Variants in GCNT2 observed in about 807,000 individuals in gnomAD.
The protein encoded by GCNT2 is glucosaminyl (N-acetyl) transferase 2 (I blood group).
Under a neutral mutation model 34.2 loss-of-function variants are expected in GCNT2, and 34 were observed. The ratio of observed to expected loss-of-function variants is 1.00; its 90% CI spans 0.76 to 1.32. The LOEUF (loss-of-function observed/expected upper bound fraction) is 1.32. Ranked by LOEUF, GCNT2 falls within the 40% of genes most tolerant of loss-of-function variation. GCNT2 has a pLI of 0.00. For missense variants in GCNT2, 584 were observed against 489.4 expected, an observed-to-expected ratio of 1.19 and a Z score of -1.82; for synonymous variants, 212 against 188.0, an observed-to-expected ratio of 1.13 and a Z score of -1.04.
At chr6:10,551,860 C>T (rs537401879) in intron 3 of GCNT2, among the ~76,000 whole-genome samples, 90 of 152,118 alleles carry the variant, frequency 5.9e-4, no homozygotes, top group African/African-American at 1.6e-3. Flanking sequence ...CAGGTTCAAG[C>T]GATTCTCCTG....
intron 3 of GCNT2, among the ~76,000 whole-genome samples, chr6:10,554,626 G>C (rs1474497020): frequency 6.6e-6 from 1 of 152,150 alleles, no homozygotes; most frequent in Non-Finnish European, 1.5e-5. Context: ...TTTTGTTTAG[G>C]AGTAGAATAC....
At chr6:10,624,202 C>T (rs559026245) in intron 4 of GCNT2, among the ~76,000 whole-genome samples, 1 of 152,264 alleles carries the variant, frequency 6.6e-6, no homozygotes, top group African/African-American at 2.4e-5. Flanking sequence ...CCTTTAAGCT[C>T]CCAAGGTGTA....
At chr6:10,553,899 A>G (rs1051307137) in intron 3 of GCNT2, among the ~76,000 whole-genome samples, 8 of 152,206 alleles carry the variant, frequency 5.3e-5, no homozygotes, top group African/African-American at 1.9e-4. Flanking sequence ...GCCTCAAAGG[A>G]AAAAAACCAA....
rs1449493917 is a variant in GCNT2, at chr6:10,529,519, T to C, written c.608T>C (p.Ile203Thr). Residue 203 changes from isoleucine to threonine, a missense_variant, in exon 3 of 5, where the codon ATA becomes ACA. Physicochemically the swap from Ile to Thr is moderately conservative, Grantham distance 89. Coordinates refer to ENST00000495262, the MANE Select transcript of GCNT2 (RefSeq NM_145649.5). ...TTTCCCCTGAAAACCAACAGGGAAA[T>C]AGTTCAGTATCTGAAGGGATTTAAA... ...QDFPLKTNRE[I>T]VQYLKGFKGK... The C allele has an allele frequency of 3.1e-6, 5 of 1,613,964 alleles. No individual in the cohort carries two copies. Among genetic ancestry groups the C allele is most frequent in the South Asian group, 1.1e-5 (1 of 91,072 alleles).
At chr6:10,586,171 G>C in intron 3 of GCNT2, 1 of 1,614,110 alleles carries the variant, frequency 6.2e-7, no homozygotes, top group Non-Finnish European at 8.5e-7. Flanking sequence ...GTCTTTTTGT[G>C]GGAAAATATA....
At chr6:10,608,822 C>G (rs1276344360) in intron 3 of GCNT2, among the ~76,000 whole-genome samples, 1 of 152,170 alleles carries the variant, frequency 6.6e-6, no homozygotes, top group Non-Finnish European at 1.5e-5. Context: ...CAGGAATTCC[C>G]AGATGTGTGG....
intron 3 of GCNT2, chr6:10,575,141 C>T (rs1337365154): frequency 1.2e-5 from 5 of 424,564 alleles, no homozygotes; most frequent in South Asian, 2.5e-5. Context: ...TTCACATATA[C>T]GTGGCCAAAG....
chr6:10,558,164 T>A (rs1465253434), intron 3 of GCNT2, among the ~76,000 whole-genome samples: 1 of 152,224 alleles, frequency 6.6e-6, no homozygotes, highest in Admixed American at 6.5e-5. Context: ...CCTATTTGCA[T>A]GGGTTTGTTC....
At chr6:10,605,542 G>A (rs1482429097) in intron 3 of GCNT2, among the ~76,000 whole-genome samples, 1 of 151,918 alleles carries the variant, frequency 6.6e-6, no homozygotes, top group East Asian at 1.9e-4. Context: ...ACCAATGTCT[G>A]GGCCCCACCT....
At chr6:10,576,601 C>T (rs1763824678) in intron 3 of GCNT2, among the ~76,000 whole-genome samples, 1 of 151,930 alleles carries the variant, frequency 6.6e-6, no homozygotes, top group Non-Finnish European at 1.5e-5. Flanking sequence ...AATGGAAAGA[C>T]TTAGGGGGAG....
intron 3 of GCNT2, among the ~76,000 whole-genome samples, chr6:10,606,675 T>C (rs1765330582): frequency 6.7e-6 from 1 of 149,492 alleles, no homozygotes; most frequent in Non-Finnish European, 1.5e-5. Flanking sequence ...AGAAATTTAA[T>C]AGTGGTTGAG....
intron 3 of GCNT2, among the ~76,000 whole-genome samples, chr6:10,589,367 GTGTTTGTAGTGTGGTGTGTGTT>G (rs1561822469): frequency 7.6e-6 from 1 of 131,410 alleles, no homozygotes; most frequent in Non-Finnish European, 1.8e-5. Flanking sequence ...TTTCTAGTGT[GTGTTTGTAGTGTGGTGTGTGTT>G]TGTAGTGTGT....
intron 3 of GCNT2, among the ~76,000 whole-genome samples, chr6:10,606,633 C>CATTAAAGAAATTTAATGGAAATTTCT (rs1765324667): frequency 7.9e-6 from 1 of 127,300 alleles, no homozygotes; most frequent in Non-Finnish European, 1.8e-5. Flanking sequence ...TGGAAATTTC[C>CATTAAAGAAATTTAATGGAAATTTCT]ATTAAAGAAA....
chr6:10,565,817 A>G (rs113261843), intron 3 of GCNT2, among the ~76,000 whole-genome samples: 18 of 151,606 alleles, frequency 1.2e-4, no homozygotes, highest in African/African-American at 4.4e-4. Context: ...TTAAAGTTGT[A>G]TAATTTCTTC....
rs1017112447 is a variant in GCNT2 at position 10,626,545 on chromosome 6, A to T, written c.1147A>T (p.Arg383Trp). The T allele has an allele frequency of 6.2e-7, 1 of 1,613,980 alleles. No individual in the cohort carries two copies. Among genetic ancestry groups the T allele is most frequent in the Non-Finnish European group, 8.5e-7 (1 of 1,179,826 alleles). Reference sequence around the variant, plus strand: ...CCTTACTGTGGAATGCCTAGAACTGAGGCATCGCGAAAGAACCCTCAATCA... The same window carrying T: ...CCTTACTGTGGAATGCCTAGAACTGTGGCATCGCGAAAGAACCCTCAATCA... ...YPLTVECLEL[R>W]HRERTLNQSE... Residue 383 changes from arginine (R) to tryptophan (W), a missense_variant, in exon 5 of 5, where the codon AGG becomes TGG. Coordinates refer to ENST00000495262, the MANE Select transcript of GCNT2 (RefSeq NM_145649.5).
At chr6:10,601,492 A>T (rs1018012151) in intron 3 of GCNT2, among the ~76,000 whole-genome samples, 2 of 152,190 alleles carry the variant, frequency 1.3e-5, no homozygotes, top group African/African-American at 4.8e-5. Context: ...ACAACGCCCC[A>T]GTATGGTTTC....
intron 3 of GCNT2, among the ~76,000 whole-genome samples, chr6:10,541,321 T>C (rs80265902): frequency 6.6e-6 from 1 of 152,216 alleles, no homozygotes; most frequent in Non-Finnish European, 1.5e-5. Context: ...ACTCTATCCA[T>C]GTCCCTGCAA....
At position 10,623,201 on chromosome 6, in the gene GCNT2, T is replaced by C. The variant is rs1234317647; in HGVS notation, c.1018+1758T>C. On this transcript the variant is annotated intron_variant, in intron 4 of 4. Transcript: ENST00000495262. Reference sequence around the variant, plus strand: ...GGACAGCAATGTTTTCATGCAACTGTAAAGAAATTTTGGTCCATTCTGAAG... The same window carrying C: ...GGACAGCAATGTTTTCATGCAACTGCAAAGAAATTTTGGTCCATTCTGAAG... 4.0e-5 allele frequency among the ~76,000 whole-genome samples: 6 copies of C among 151,028 alleles called. No individual in the cohort carries two copies. The Admixed American group carries it at 4.0e-4, about 10-fold the overall frequency.
At chr6:10,572,152 C>T (rs979864291) in intron 3 of GCNT2, among the ~76,000 whole-genome samples, 2 of 152,152 alleles carry the variant, frequency 1.3e-5, no homozygotes, top group Non-Finnish European at 2.9e-5. Context: ...GCACCTCCCA[C>T]CCCATTCCTG....
Sources: allele counts gnomAD v4.1 joint callset (sites outside exome capture counted in the v4.1 genomes callset), GRCh38; gene constraint gnomAD v4.1.1; transcripts MANE v1.5; gene names NCBI Gene and HGNC (gene_info 2026-07-23, HGNC 2026-07-21).